Variants in TAFA4 observed in about 807,000 individuals in gnomAD.
TAFA4 encodes the protein chemokine-like protein TAFA-4.
Under a neutral mutation model 21.1 loss-of-function variants are expected in TAFA4, and 20 were observed. That is an observed-to-expected ratio of 0.95 (90% confidence interval 0.67 to 1.38). The LOEUF (loss-of-function observed/expected upper bound fraction) is 1.38. Among genes scored for constraint, TAFA4 ranks in the 40% most tolerant of loss-of-function variants. The pLI, the probability that TAFA4 is intolerant of heterozygous loss-of-function variation, is 0.00. For missense variants in TAFA4, 211 were observed against 180.9 expected (o/e 1.17, Z -0.95); for synonymous variants, 71 against 67.4 (o/e 1.05, Z -0.26).
intron 3 of TAFA4, among the ~76,000 whole-genome samples, chr3:68,811,576 G>T (rs951965221): frequency 1.1e-4 from 17 of 152,190 alleles, no homozygotes; most frequent in African/African-American, 4.1e-4. Flanking sequence ...GGGTATCAGT[G>T]ATGGAAGATC....
intron 3 of TAFA4, among the ~76,000 whole-genome samples, chr3:68,832,553 G>A (rs1376960715): frequency 6.6e-6 from 1 of 152,164 alleles, no homozygotes; most frequent in Non-Finnish European, 1.5e-5. Flanking sequence ...CCTTCCTCTG[G>A]AAGCTTCATC....
At chr3:68,860,480 G>C (rs2089322441) in intron 3 of TAFA4, among the ~76,000 whole-genome samples, 1 of 152,110 alleles carries the variant, frequency 6.6e-6, no homozygotes, top group Non-Finnish European at 1.5e-5. Context: ...GTTAGGTAGT[G>C]CTCCTTTTCC....
chr3:68,887,654 A>C (rs949934485), intron 1 of TAFA4, among the ~76,000 whole-genome samples: 1 of 152,086 alleles, frequency 6.6e-6, no homozygotes, highest in East Asian at 1.9e-4. Context: ...ATCAAGGCAT[A>C]CCACTTGTGC....
At chr3:68,889,592 T>C (rs2106963119) in intron 1 of TAFA4, among the ~76,000 whole-genome samples, 1 of 152,278 alleles carries the variant, frequency 6.6e-6, no homozygotes, top group African/African-American at 2.4e-5. Flanking sequence ...CTGCAGGGCA[T>C]CACATTTCCC....
intron 3 of TAFA4, among the ~76,000 whole-genome samples, chr3:68,843,995 CT>C (rs1239834129): frequency 6.6e-6 from 1 of 152,148 alleles, no homozygotes; most frequent in Non-Finnish European, 1.5e-5. Flanking sequence ...TGTTGTGTCT[CT>C]GCCAGGTTTT....
intron 3 of TAFA4, among the ~76,000 whole-genome samples, chr3:68,778,197 G>C (rs1052764383): frequency 5.9e-5 from 9 of 152,176 alleles, no homozygotes; most frequent in African/African-American, 2.2e-4. Flanking sequence ...GCAAAAGAAT[G>C]AAAAATATAT....
chr3:68,887,816 T>G (rs183961393), intron 1 of TAFA4, among the ~76,000 whole-genome samples: 323 of 152,268 alleles, frequency 2.1e-3, no homozygotes, highest in Non-Finnish European at 3.4e-3. Flanking sequence ...CTAGCTTTCC[T>G]GAAAGATCTC....
intron 3 of TAFA4, among the ~76,000 whole-genome samples, chr3:68,845,604 T>G (rs566122008): frequency 5.9e-5 from 9 of 152,354 alleles, no homozygotes; most frequent in African/African-American, 2.2e-4. Flanking sequence ...ATGCAGTTTC[T>G]TCATAGTGTC....
intron 3 of TAFA4, among the ~76,000 whole-genome samples, chr3:68,763,437 C>A (rs1044591697): frequency 6.6e-6 from 1 of 152,052 alleles, no homozygotes; most frequent in African/African-American, 2.4e-5. Flanking sequence ...TAATATATTT[C>A]AAGGAAAATT....
In TAFA4 at chr3:68,880,812, C is replaced by T. The variant is rs114565699; in HGVS notation, c.48G>A (p.Ser16=). 3.5e-5 allele frequency: 57 copies of T among 1,613,640 alleles called. No homozygotes were observed. In the East Asian group the frequency reaches 6.9e-4, roughly 20 times the overall value. The change falls in exon 3 of 6, where the codon TCG becomes TCA. Residue 16 remains serine, a synonymous_variant. Transcript: ENST00000295569. ...ACACGTAGGCTAGAAAGAGCCAGTGCGACAGCAACACTGACTTAGCACAGA... is the reference window on the plus strand; with the variant it reads ...ACACGTAGGCTAGAAAGAGCCAGTGTGACAGCAACACTGACTTAGCACAGA... ...MRVCAKSVLL[S]HWLFLAYVLM...
At chr3:68,829,724 C>A (rs1704334763) in intron 3 of TAFA4, among the ~76,000 whole-genome samples, 1 of 152,136 alleles carries the variant, frequency 6.6e-6, no homozygotes, top group South Asian at 2.1e-4. Flanking sequence ...GGGAGGATTC[C>A]CTCTTTTTCT....
intron 3 of TAFA4, among the ~76,000 whole-genome samples, chr3:68,842,539 T>C (rs1704689218): frequency 1.3e-5 from 2 of 152,248 alleles, no homozygotes; most frequent in Non-Finnish European, 2.9e-5. Flanking sequence ...CAGAAGCTTT[T>C]TAGTTTATTT....
intron 3 of TAFA4, among the ~76,000 whole-genome samples, chr3:68,814,600 T>C (rs1296318824): frequency 1.3e-5 from 2 of 152,024 alleles, no homozygotes; most frequent in Non-Finnish European, 2.9e-5. Flanking sequence ...GGAATCCAAC[T>C]TACAAGGAAT....
intron 3 of TAFA4, among the ~76,000 whole-genome samples, chr3:68,787,682 TC>T (rs1219146604): frequency 1.3e-5 from 2 of 152,210 alleles, no homozygotes; most frequent in Non-Finnish European, 2.9e-5. Context: ...AATTATTTTA[TC>T]CTAGTCATTC....
chr3:68,751,130 C>A (rs1276649445), intron 4 of TAFA4, among the ~76,000 whole-genome samples: 4 of 152,154 alleles, frequency 2.6e-5, no homozygotes, highest in South Asian at 4.2e-4. Context: ...TAGTAATGTG[C>A]AGAAATGAAA....
chr3:68,819,506 T>C (rs534706236), intron 3 of TAFA4, among the ~76,000 whole-genome samples: 5 of 152,166 alleles, frequency 3.3e-5, no homozygotes, highest in Non-Finnish European at 7.3e-5. Flanking sequence ...TGGCCTCTAT[T>C]GTTCTGAAGG....
chr3:68,881,267 G>C (rs559846829), intron 2 of TAFA4, among the ~76,000 whole-genome samples: 1 of 152,222 alleles, frequency 6.6e-6, no homozygotes, highest in Admixed American at 6.5e-5. Flanking sequence ...ACTTTCTCCT[G>C]GTTTCTCTGA....
chr3:68,757,798 A>T (rs751036873), intron 3 of TAFA4, among the ~76,000 whole-genome samples: 1 of 152,170 alleles, frequency 6.6e-6, no homozygotes, highest in Non-Finnish European at 1.5e-5. Context: ...GAGGTGACAT[A>T]ACTAATAGCA....
chr3:68,809,663 G>A (rs777005389), intron 3 of TAFA4, among the ~76,000 whole-genome samples: 41 of 151,364 alleles, frequency 2.7e-4, no homozygotes, highest in Non-Finnish European at 4.9e-4. Context: ...GCTTTTCCCC[G>A]TTTTTTCTTC....
Sources: gnomAD v4.1 joint callset for allele counts (sites outside exome capture counted in the v4.1 genomes callset) on GRCh38, gnomAD v4.1.1 for gene constraint, MANE v1.5 for transcripts, NCBI Gene and HGNC (gene_info 2026-07-23, HGNC 2026-07-21) for gene names.